The following MDFI variants were observed in gnomAD, a reference collection of about 807,000 sequenced individuals.
MDFI encodes the protein inhibitor of MyoD family a.
In MDFI, 16 loss-of-function variants were observed where a neutral mutation model predicts 22.3. The observed-to-expected ratio is 0.72, with a 90% CI of 0.49 to 1.09. The LOEUF (loss-of-function observed/expected upper bound fraction) is 1.09. Ranked by LOEUF, MDFI falls within the 50% of genes least tolerant of loss-of-function variation. MDFI has a pLI of 0.00. For synonymous variants in MDFI, 145 were observed against 142.7 expected (o/e 1.02, Z -0.12); for missense variants, 314 against 326.1 (o/e 0.96, Z 0.29).
intron 2 of MDFI, among the ~76,000 whole-genome samples, chr6:41,641,727 G>A (rs1461358018): frequency 6.6e-6 from 1 of 152,168 alleles, no homozygotes; most frequent in Non-Finnish European, 1.5e-5. Context: ...TAAACTTAAG[G>A]CAGTAGGCCG....
At chr6:41,650,316 C>A (rs1359449622) in intron 4 of MDFI, among the ~76,000 whole-genome samples, 2 of 152,198 alleles carry the variant, frequency 1.3e-5, no homozygotes, top group Non-Finnish European at 2.9e-5. Context: ...AGACACCCAA[C>A]CAGCCGATGT....
intron 4 of MDFI, among the ~76,000 whole-genome samples, chr6:41,652,773 C>G (rs962647715): frequency 6.6e-6 from 1 of 152,018 alleles, no homozygotes; most frequent in Admixed American, 6.5e-5. Context: ...TGTGCCACCA[C>G]GCCCAGCTAA....
chr6:41,644,123 GGCACCATCTA>G (rs1370894876), intron 2 of MDFI, among the ~76,000 whole-genome samples: 5 of 151,702 alleles, frequency 3.3e-5, no homozygotes, highest in African/African-American at 1.2e-4. Context: ...GGCTAGGAGA[GGCACCATCTA>G]GCACCAGCGT....
rs1767716750 is a variant in MDFI, at chr6:41,638,580, G to T, written c.-84G>T. On this transcript the variant is annotated 5_prime_UTR_variant, in exon 1 of 5. Transcript: ENST00000230321. The surrounding 1 kb of genome is among the most constrained non-coding windows in gnomAD (Gnocchi z 7.6). ...GAGCCAGCGGGACCTGGGCAGGGGC[G>T]CCCGGAGCAGGCGCGCATGGCGGGC... The T allele has an allele frequency of 5.0e-5, 35 of 705,772 alleles. No individual in the cohort carries two copies. The South Asian group carries it at 6.9e-4, about 14-fold the overall frequency. 43.7% of individuals were successfully genotyped at this position (705,772 alleles called of 1,614,324 possible). A position where few individuals can be genotyped will look rare whatever the true frequency, so the allele number is the denominator to read the frequency against.
At chr6:41,651,291 A>G (rs543650157) in intron 4 of MDFI, among the ~76,000 whole-genome samples, 3 of 149,594 alleles carry the variant, frequency 2.0e-5, no homozygotes, top group African/African-American at 7.5e-5. Context: ...ATACGATGTG[A>G]TAAGTGCAAT....
At chr6:41,649,584 C>T (rs1468735039) in intron 3 of MDFI, 35 bp from the exon 4 acceptor site, 1 of 1,525,046 alleles carries the variant, frequency 6.6e-7, no homozygotes, top group Non-Finnish European at 8.8e-7. Context: ...TGACCCCCAC[C>T]CTTTTCCCAT....
At chr6:41,641,734 GC>G (rs1023465487) in intron 2 of MDFI, among the ~76,000 whole-genome samples, 8 of 152,182 alleles carry the variant, frequency 5.3e-5, no homozygotes, top group Non-Finnish European at 7.3e-5. Flanking sequence ...AAGGCAGTAG[GC>G]CGTGGAGCTC....
chr6:41,641,486 A>G (rs541788278), intron 2 of MDFI, among the ~76,000 whole-genome samples: 1 of 152,324 alleles, frequency 6.6e-6, no homozygotes, highest in South Asian at 2.1e-4. Flanking sequence ...AAGATCCGGC[A>G]ATGGCCCAGA....
chr6:41,639,897 C>T (rs1211165766), intron 2 of MDFI: 3 of 985,310 alleles, frequency 3.0e-6, no homozygotes, highest in Non-Finnish European at 3.6e-6. Flanking sequence ...TCTAGGAGGC[C>T]CCTCTCCACT....
At chr6:41,644,422 G>A (rs1326572926) in intron 2 of MDFI, among the ~76,000 whole-genome samples, 1 of 152,142 alleles carries the variant, frequency 6.6e-6, no homozygotes, top group Non-Finnish European at 1.5e-5. Context: ...CCCTGGGCAG[G>A]TGAGAGCATG....
At chr6:41,650,953 C>T (rs1245417900) in intron 4 of MDFI, among the ~76,000 whole-genome samples, 1 of 152,104 alleles carries the variant, frequency 6.6e-6, no homozygotes, top group Non-Finnish European at 1.5e-5. Flanking sequence ...TCTGTAATCC[C>T]AGCCCTTTGG....
rs1219816935 is a variant in MDFI, at chr6:41,646,166, A to G, written c.117A>G (p.Thr39=). 31 of 1,577,724 alleles carry G rather than the reference A, an allele frequency of 2.0e-5. No individual in the cohort carries two copies. The highest frequency in any genetic ancestry group is 2.7e-5 in the Non-Finnish European group (31 of 1,162,612). Residue 39 remains threonine, a synonymous_variant, in exon 3 of 5, where the codon ACA becomes ACG. Transcript: ENST00000230321. The part of the protein sequence containing the change: ...LSLLPGLEVV[T]GSTHPAEAAP... ...TCCTTCCTGGGCTGGAGGTAGTAAC[A>G]GGATCCACTCACCCTGCGGAGGCAG...
In MDFI at chr6:41,645,292, C is replaced by T. The variant is rs181176973; in HGVS notation, c.77-834C>T. Among the ~76,000 whole-genome samples the T allele has an allele frequency of 5.3e-5, 8 of 152,214 alleles. No individual in the cohort carries two copies. The East Asian group carries it at 1.5e-3, about 29-fold the overall frequency. Reference sequence around the variant, plus strand: ...CCTCCCATCCCCCATCCCTTTTCCCCCTGAGCCTAGGGGCCCTAGTCCTGC... The same window carrying T: ...CCTCCCATCCCCCATCCCTTTTCCCTCTGAGCCTAGGGGCCCTAGTCCTGC... On this transcript the variant is annotated intron_variant, in intron 2 of 4. Transcript: ENST00000230321.
Position 41,638,838 on chromosome 6 carries a change from G to T in MDFI, c.76+13G>T. 3 of 1,546,564 alleles carry T rather than the reference G, an allele frequency of 1.9e-6. 1 individual carries two copies. In the South Asian group the frequency reaches 3.5e-5, roughly 18 times the overall value. The stretch of plus-strand genomic sequence containing the variant: ...GCCCCGGGCCCAGGTAGGACCGGGA[G>T]TGGCGAGCGAAGCTGGACAGGGGCG... On this transcript the variant is annotated intron_variant, in intron 2 of 4. Transcript: ENST00000230321. This position sits in a 1 kb window ranked among gnomAD's most constrained non-coding sequence, Gnocchi z 7.6.
At position 41,649,796 on chromosome 6, in the gene MDFI, G is replaced by A. The variant is rs1358892870; in HGVS notation, c.437G>A (p.Ser146Asn). The A allele has an allele frequency of 6.2e-7, 1 of 1,614,072 alleles. No homozygotes were observed. The highest frequency in any genetic ancestry group is 1.1e-5 in the South Asian group (1 of 91,078). ...AGCCAGGGCAGCAAGAAGAGTAAGA[G>A]CAGCAGCAAATCCACCACCTCCCAG... ...LASQGSKKSKSSSKSTTSQIP... is the reference protein window; with the variant it reads ...LASQGSKKSKNSSKSTTSQIP... The change falls in exon 4 of 5, where the codon AGC (serine) becomes AAC (asparagine). Residue 146 changes from serine to asparagine, a missense_variant. Ser to Asn is a conservative substitution (Grantham distance 46). Transcript: ENST00000230321.
chr6:41,645,920 C>T (rs1224067763), intron 2 of MDFI, among the ~76,000 whole-genome samples: 1 of 152,220 alleles, frequency 6.6e-6, no homozygotes, highest in African/African-American at 2.4e-5. Context: ...TGCATGCACA[C>T]CCTTGCTCAC....
In MDFI at chr6:41,649,833, G is replaced by C. The variant is rs369063393; in HGVS notation, c.474G>C (p.Gln158His). ...SKSTTSQIPL[Q>H]AQEDCCVHCI... ...CCACCACCTCCCAGATCCCCCTCCA[G>C]GCACAGGAAGGTAAGCACCCATCCC... Residue 158 changes from glutamine (Q) to histidine (H), a missense_variant, in exon 4 of 5, where the codon CAG (glutamine) becomes CAC (histidine). Physicochemically the swap from Gln to His is conservative, Grantham distance 24. Transcript: ENST00000230321. The C allele has an allele frequency of 1.2e-6, 2 of 1,613,286 alleles. No homozygotes were observed. Among genetic ancestry groups the C allele is most frequent in the Non-Finnish European group, 1.7e-6 (2 of 1,179,662 alleles).
chr6:41,653,869 C>G lies in MDFI; in HGVS notation c.*294C>G. The G allele has an allele frequency of 7.9e-6, 3 of 379,710 alleles. No individual in the cohort carries two copies. The highest frequency in any genetic ancestry group is 1.0e-5 in the Non-Finnish European group (2 of 199,840). 23.5% of individuals were successfully genotyped at this position (379,710 alleles called of 1,614,324 possible). ...CTGACAGGACAACCTAGGGGCAGGG[C>G]TGGGGTGGGGACCGCAGGGGGCAGC... On this transcript the variant is annotated 3_prime_UTR_variant, in exon 5 of 5. Coordinates refer to ENST00000230321, the MANE Select transcript of MDFI (RefSeq NM_005586.4). This position sits in a 1 kb window ranked among gnomAD's most constrained non-coding sequence, Gnocchi z 4.2.
intron 2 of MDFI, among the ~76,000 whole-genome samples, chr6:41,643,576 A>AGGAGGGAGGGAG (rs1209257493): frequency 6.8e-5 from 5 of 73,408 alleles, no homozygotes; most frequent in African/African-American, 1.3e-4. Flanking sequence ...GAAGGAAGGA[A>AGGAGGGAGGGAG]GGAGGGAGGG....
Sources: allele counts gnomAD v4.1 joint callset (sites outside exome capture counted in the v4.1 genomes callset), GRCh38; gene constraint gnomAD v4.1.1; non-coding constraint Gnocchi (gnomAD v3.1); transcripts MANE v1.5; gene names NCBI Gene and HGNC (gene_info 2026-07-23, HGNC 2026-07-21).